The following RIF1 variants were observed in gnomAD, a reference collection of about 807,000 sequenced individuals.
RIF1 encodes telomere-associated protein RIF1.
RIF1 carries 45 observed loss-of-function variants against 247.1 expected under a neutral mutation model. That is an observed-to-expected ratio of 0.18 (90% CI 0.14 to 0.23). The LOEUF is 0.23. Ranked by LOEUF, RIF1 falls within the 10% of genes least tolerant of loss-of-function variation. The pLI, the probability that RIF1 is intolerant of heterozygous loss-of-function variation, is 1.00. For missense variants in RIF1, 2,967 were observed against 2,862.5 expected, an observed-to-expected ratio of 1.04 and a Z score of -0.83; for synonymous variants, 1,087 against 978.8, an observed-to-expected ratio of 1.11 and a Z score of -2.06.
chr2:151,467,905 C>T (rs755409198), intron 30 of RIF1, 95 bp from the exon 31 acceptor site: 23 of 1,210,736 alleles, frequency 1.9e-5, no homozygotes, highest in Non-Finnish European at 2.7e-5. Context: ...TCTAAACCCA[C>T]ATTCTATTTT....
At chr2:151,502,725 A>G in intron 11 of RIF1, 1 of 849,166 alleles carries the variant, frequency 1.2e-6, no homozygotes, top group Non-Finnish European at 1.9e-6. Context: ...GTAATTTTAC[A>G]TTTGTAAGGT....
intron 34 of RIF1, among the ~76,000 whole-genome samples, 156 bp downstream of exon 34, chr2:151,470,020 A>G (rs929456790): frequency 2.0e-5 from 3 of 152,030 alleles, no homozygotes; most frequent in Non-Finnish European, 4.4e-5. Flanking sequence ...AAATTTTTAA[A>G]TTGTTTTTTC....
chr2:151,461,391 A>ATTTT, intron 27 of RIF1, 102 bp downstream of exon 27: 20 of 774,008 alleles, frequency 2.6e-5, no homozygotes, highest in East Asian at 7.2e-5. Context: ...ATGTGTACTA[A>ATTTT]TTTTTTTTTT....
rs1351663246 is a variant in RIF1 at position 151,465,843 on chromosome 2, A to G, written c.6323A>G (p.Asp2108Gly). The change falls in exon 30 of 36, where the codon GAT (aspartate) becomes GGT (glycine). Residue 2108 changes from aspartate (D) to glycine (G), a missense_variant. By Grantham distance (94) the Asp-to-Gly change is moderately conservative. Around this residue, in one of 7 missense-constraint regions of RIF1, gnomAD observed 2,028 missense variants for 1,825.6 expected, o/e 1.11. Coordinates refer to ENST00000444746, the MANE Select transcript of RIF1 (RefSeq NM_018151.5). The part of the protein sequence containing the change: ...LDNNQMVMES[D>G]ILQEDHHTSQ... The stretch of plus-strand genomic sequence containing the variant: ...AACAATCAAATGGTAATGGAAAGTG[A>G]TATTTTACAGGAAGATCACCATACT... 5 of 1,613,302 alleles carry G rather than the reference A, an allele frequency of 3.1e-6. No individual in the cohort carries two copies. The African/African-American group carries it at 4.0e-5, about 13-fold the overall frequency.
intron 13 of RIF1, chr2:151,506,784 C>T (rs879652149): frequency 2.3e-4 from 155 of 660,264 alleles, no homozygotes; most frequent in Non-Finnish European, 2.6e-4. Flanking sequence ...TTTAGCAAAT[C>T]ACTGCTAGTA....
chr2:151,496,768 A>T (rs1464761804), intron 10 of RIF1, among the ~76,000 whole-genome samples: 1 of 152,110 alleles, frequency 6.6e-6, no homozygotes, highest in Non-Finnish European at 1.5e-5. Context: ...AATTAACTGT[A>T]TTATGGAAAT....
chr2:151,486,698 G>A (rs2050731146), downstream of RIF1: 1 of 152,322 alleles, frequency 6.6e-6, no homozygotes, highest in East Asian at 1.9e-4. Flanking sequence ...CAAGAATGAA[G>A]TACTGACACA....
At chr2:151,522,471 A>G in the RIF1 span, among the ~76,000 whole-genome samples, 1 of 152,228 alleles carries the variant, frequency 6.6e-6, no homozygotes, top group Non-Finnish European at 1.5e-5. Flanking sequence ...GCAACCTAAC[A>G]TACACATACA....
intron 13 of RIF1, among the ~76,000 whole-genome samples, chr2:151,438,232 G>T (rs1361805730): frequency 6.6e-6 from 1 of 152,172 alleles, no homozygotes; most frequent in African/African-American, 2.4e-5. Context: ...AATCCTGGCA[G>T]TTTGGGAGAG....
At chr2:151,497,135 G>C in intron 10 of RIF1, 2 of 1,397,664 alleles carry the variant, frequency 1.4e-6, no homozygotes, top group Non-Finnish European at 2.0e-6. Context: ...ACAAAACACA[G>C]TTGTCCAAGG....
chr2:151,468,423 T>TA, intron 31 of RIF1, 51 bp from the exon 32 acceptor site: 1 of 1,402,322 alleles, frequency 7.1e-7, no homozygotes, highest in East Asian at 2.3e-5. Context: ...ATTGTGAAAT[T>TA]ATAGTCATCT....
At chr2:151,500,142 T>C (rs919284994) in intron 11 of RIF1, among the ~76,000 whole-genome samples, 3 of 151,482 alleles carry the variant, frequency 2.0e-5, no homozygotes, top group Admixed American at 6.6e-5. Context: ...AAAAGACATA[T>C]TAACATTGAA....
chr2:151,498,392 A>C, intron 10 of RIF1: 1 of 1,427,326 alleles, frequency 7.0e-7, no homozygotes, highest in Non-Finnish European at 9.6e-7. Flanking sequence ...AAAAGCAATC[A>C]ATCAGTCATT....
Position 151,441,954 on chromosome 2 carries a change from C to A in RIF1, c.1697C>A (p.Ser566Ter). The A allele has an allele frequency of 1.3e-6, 2 of 1,565,376 alleles. No individual in the cohort carries two copies. The highest frequency in any genetic ancestry group is 1.2e-5 in the South Asian group (1 of 85,340). Residue 566 changes from serine to a stop codon, truncating the protein, a stop_gained, in exon 16 of 36, where the codon TCA (serine) becomes TAA (stop). Transcript: ENST00000444746. LOFTEE classifies it high-confidence loss of function. The stretch of plus-strand genomic sequence containing the variant: ...GGACTTCCTCAGAAAGTATTAGGTT[C>A]ACCAGCATATCAGGTTGCTAATATG... Reference protein sequence around the residue: ...IKGLPQKVLGSPAYQVANMDI... With the variant: ...IKGLPQKVLG
chr2:151,449,281 A>T (rs1445459317), intron 20 of RIF1, among the ~76,000 whole-genome samples: 2 of 152,052 alleles, frequency 1.3e-5, no homozygotes, highest in African/African-American at 4.8e-5. Context: ...TTTTTTCTGC[A>T]TGTATATCTT....
At chr2:151,473,100 G>A (rs534592350) in intron 34 of RIF1, among the ~76,000 whole-genome samples, 17 of 152,070 alleles carry the variant, frequency 1.1e-4, no homozygotes, top group South Asian at 4.2e-4. Flanking sequence ...TTGCTATTAC[G>A]AATAATGCTG....
intron 30 of RIF1, among the ~76,000 whole-genome samples, chr2:151,467,385 A>C (rs549178913): frequency 2.6e-5 from 4 of 152,000 alleles, no homozygotes; most frequent in Admixed American, 2.6e-4. Context: ...CTCTGTCTGT[A>C]AGACAGAGTA....
In RIF1 at chr2:151,420,258, T is replaced by C. The variant is rs763160920; in HGVS notation, c.572T>C (p.Leu191Ser). ...AVRWAKLVIP[L>S]VVHSAQKVHL... is the part of the protein sequence containing the mutation. ...AGGTGGGCAAAACTGGTCATACCTT[T>C]AGTGGTTCATTCAGCACAAAAGGTA... Residue 191 changes from leucine to serine, a missense_variant, in exon 7 of 36, where the codon TTA becomes TCA. By Grantham distance (145) the Leu-to-Ser change is moderately radical (BLOSUM62 -2). Transcript: ENST00000444746. 27 of 1,614,030 alleles carry C rather than the reference T, an allele frequency of 1.7e-5. No individual in the cohort carries two copies. Among genetic ancestry groups the C allele is most frequent in the Non-Finnish European group, 2.1e-5 (25 of 1,180,014 alleles).
At position 151,478,963 on chromosome 2, in the gene RIF1, G is replaced by A. The variant is rs923142847; in HGVS notation, c.*3892G>A. On this transcript the variant is annotated 3_prime_UTR_variant, in exon 36 of 36. Transcript: ENST00000444746. ...AGCCATTAGAAAGACCTTGTACTTT[G>A]TATAGAAACATTAGAGTGAGGTTTT... 6.6e-6 allele frequency: 1 copy of A among 152,190 alleles called. No individual in the cohort carries two copies. The highest frequency in any genetic ancestry group is 6.5e-5 in the Admixed American group (1 of 15,286). 9.4% of individuals were successfully genotyped at this position (152,190 alleles called of 1,614,324 possible).
Sources: gnomAD v4.1 joint callset for allele counts (sites outside exome capture counted in the v4.1 genomes callset) on GRCh38, gnomAD v4.1.1 for gene constraint, gnomAD v4.1.1 regional missense constraint, MANE v1.5 for transcripts, NCBI Gene and HGNC (gene_info 2026-07-23, HGNC 2026-07-21) for gene names.